The following CLMP variants were observed in gnomAD, a reference collection of about 807,000 sequenced individuals.
CLMP encodes the protein CXADR-like membrane protein.
Under a neutral mutation model 45.2 loss-of-function variants are expected in CLMP, and 27 were observed. The observed-to-expected ratio is 0.60, with a 90% CI of 0.44 to 0.82. The LOEUF (loss-of-function observed/expected upper bound fraction) is 0.82. CLMP is among the 40% of genes least tolerant of loss of function. The probability of loss-of-function intolerance (pLI) is 0.00; values close to 1 mark genes in which losing one functional copy is unlikely to be tolerated. For synonymous variants in CLMP, 167 were observed against 171.4 expected, an observed-to-expected ratio of 0.97 and a Z score of 0.20; for missense variants, 403 against 448.4, an observed-to-expected ratio of 0.90 and a Z score of 0.91.
At chr11:123,194,870 TG>T in intron 1 of CLMP, 42 bp downstream of exon 1, 1 of 1,612,110 alleles carries the variant, frequency 6.2e-7, no homozygotes. Flanking sequence ...GGGCTGCGTT[TG>T]CCCACGGCCA....
intron 1 of CLMP, among the ~76,000 whole-genome samples, chr11:123,133,092 G>A (rs1861015604): frequency 6.6e-6 from 1 of 152,124 alleles, no homozygotes; most frequent in Admixed American, 6.6e-5. Flanking sequence ...TGCCCACTAA[G>A]GAATTCTAGA....
chr11:123,096,612 G>C (rs2135479541), intron 2 of CLMP, among the ~76,000 whole-genome samples: 1 of 152,288 alleles, frequency 6.6e-6, no homozygotes, highest in East Asian at 1.9e-4. Context: ...GGATGTTGCT[G>C]TATGAGAACA....
chr11:123,156,673 G>T (rs10400223), intron 1 of CLMP, among the ~76,000 whole-genome samples: 29,287 of 152,026 alleles, frequency 0.19, 3,002 homozygotes, highest in Middle Eastern at 0.26. Flanking sequence ...ACCTGTGGTA[G>T]GGAAATGCTT....
chr11:123,150,532 GAAAC>G (rs1213779384), intron 1 of CLMP, among the ~76,000 whole-genome samples: 20 of 111,192 alleles, frequency 1.8e-4, no homozygotes, highest in African/African-American at 4.9e-4. Flanking sequence ...AGGAAGGAAA[GAAAC>G]AAGCAAGGAA....
chr11:123,158,896 G>A (rs749123489), intron 1 of CLMP, among the ~76,000 whole-genome samples: 1 of 152,192 alleles, frequency 6.6e-6, no homozygotes, highest in South Asian at 2.1e-4. Context: ...CGAGGGCTTC[G>A]ATGTGTGGCA....
intron 5 of CLMP, among the ~76,000 whole-genome samples, chr11:123,079,805 A>G (rs7941144): frequency 0.32 from 48,234 of 152,088 alleles, 8,436 homozygotes; most frequent in African/African-American, 0.46. Context: ...GAACTACAGA[A>G]CTTGGCAATT....
chr11:123,141,406 G>A (rs1430397581), intron 1 of CLMP, among the ~76,000 whole-genome samples: 1 of 151,816 alleles, frequency 6.6e-6, no homozygotes, highest in Admixed American at 6.6e-5. Flanking sequence ...GGATGGTCTC[G>A]ATCTCCTGAC....
chr11:123,132,168 A>G (rs891491119), intron 1 of CLMP, among the ~76,000 whole-genome samples: 1 of 152,022 alleles, frequency 6.6e-6, no homozygotes, highest in East Asian at 1.9e-4. Flanking sequence ...TACAAATAGC[A>G]TTTTTTTTCT....
At chr11:123,159,662 T>C (rs1861458595) in intron 1 of CLMP, among the ~76,000 whole-genome samples, 1 of 152,086 alleles carries the variant, frequency 6.6e-6, no homozygotes, top group South Asian at 2.1e-4. Flanking sequence ...GGCAGTGAGG[T>C]GGCGGGAGGC....
intron 1 of CLMP, among the ~76,000 whole-genome samples, chr11:123,189,992 ACT>A (rs1861885452): frequency 9.0e-6 from 1 of 111,320 alleles, no homozygotes. Context: ...ACAGAACAAG[ACT>A]CTGTCTCAAA....
chr11:123,088,510 A>G (rs961636703), intron 2 of CLMP, among the ~76,000 whole-genome samples: 1 of 152,216 alleles, frequency 6.6e-6, no homozygotes, highest in South Asian at 2.1e-4. Context: ...GAAGAGAGGC[A>G]AAACCTACAA....
At chr11:123,143,997 T>C (rs1162729322) in intron 1 of CLMP, among the ~76,000 whole-genome samples, 1 of 151,998 alleles carries the variant, frequency 6.6e-6, no homozygotes, top group Non-Finnish European at 1.5e-5. Flanking sequence ...TTAGTAGAGA[T>C]GGGGTTTCAC....
chr11:123,106,410 TGTGTGTGTGTGTGTGCGCGCGCGCGC>T lies in CLMP; in HGVS notation c.29-8484_29-8459del, dbSNP rs1395163469. 6.4e-3 allele frequency among the ~76,000 whole-genome samples: 799 copies of T among 125,318 alleles called. 10 individuals carry two copies. The highest frequency in any genetic ancestry group is 0.022 in the African/African-American group (766 of 34,304). 82.2% of individuals were successfully genotyped at this position (125,318 alleles called of 152,430 possible). On this transcript the variant is annotated intron_variant, in intron 1 of 6. Coordinates refer to ENST00000448775, the MANE Select transcript of CLMP (RefSeq NM_024769.5). ...GTGTGTGTGTGTGTGTGTGTGTGTGTGTGTGTGTGTGTGTGCGCGCGCGCGCGCGCACGTGCCTGCCTTCCAGATTG... is the reference window on the plus strand; with the variant it reads ...GTGTGTGTGTGTGTGTGTGTGTGTGTGCGCACGTGCCTGCCTTCCAGATTG...
At chr11:123,128,290 A>G (rs943113500) in intron 1 of CLMP, among the ~76,000 whole-genome samples, 7 of 152,108 alleles carry the variant, frequency 4.6e-5, no homozygotes, top group Non-Finnish European at 1.0e-4. Flanking sequence ...CTTCTTTAAA[A>G]AAACAAAAAC....
At position 123,195,087 on chromosome 11, in the gene CLMP, G is replaced by A. The variant is rs530402621; in HGVS notation, c.-147C>T. 7.3e-6 allele frequency: 4 copies of A among 545,888 alleles called. No homozygotes were observed. Among genetic ancestry groups the A allele is most frequent in the Admixed American group, 4.8e-5 (1 of 20,664 alleles). 33.8% of individuals were successfully genotyped at this position (545,888 alleles called of 1,614,324 possible). A position where few individuals can be genotyped will look rare whatever the true frequency, so the allele number is the denominator to read the frequency against. ...GCAGCCATGTGCCGGGCGGGAGCCG[G>A]CCCCGCGCCCCGTGCCCCTGGGGGC... On this transcript the variant is annotated 5_prime_UTR_variant, in exon 1 of 7. Transcript: ENST00000448775.
chr11:123,108,505 C>T (rs984201049), intron 1 of CLMP, among the ~76,000 whole-genome samples: 16 of 152,000 alleles, frequency 1.1e-4, no homozygotes, highest in African/African-American at 3.9e-4. Context: ...CTTTGGGCTT[C>T]AGTCAGGGGG....
chr11:123,108,192 C>T (rs1335655993), intron 1 of CLMP, among the ~76,000 whole-genome samples: 4 of 152,164 alleles, frequency 2.6e-5, no homozygotes, highest in African/African-American at 9.7e-5. Flanking sequence ...CCAGCCCAAC[C>T]CCAGAACCTC....
At position 123,137,239 on chromosome 11, in the gene CLMP, C is replaced by T. The variant is rs953944147; in HGVS notation, c.29-39287G>A. ...CGCGATCTCGGCTCACTGCAAGCTC[C>T]GCCTCCCGGGTTCACGCCATTCTCC... On this transcript the variant is annotated intron_variant, in intron 1 of 6. Transcript: ENST00000448775. Among the ~76,000 whole-genome samples, 175 of 148,980 alleles carry T rather than the reference C, an allele frequency of 1.2e-3. 3 individuals are homozygous for T. The highest frequency in any genetic ancestry group is 3.8e-3 in the African/African-American group (154 of 40,402).
At chr11:123,084,200 C>G (rs1038996658) in intron 3 of CLMP, among the ~76,000 whole-genome samples, 1 of 152,122 alleles carries the variant, frequency 6.6e-6, no homozygotes, top group Non-Finnish European at 1.5e-5. Context: ...AACTTGGTAG[C>G]TCTTGCTGTC....
Sources: gnomAD v4.1 joint callset for allele counts (sites outside exome capture counted in the v4.1 genomes callset) on GRCh38, gnomAD v4.1.1 for gene constraint, MANE v1.5 for transcripts, NCBI Gene and HGNC (gene_info 2026-07-23, HGNC 2026-07-21) for gene names.